Variants in ANGPT4 observed in about 807,000 individuals in gnomAD.
ANGPT4 encodes angiopoietin-4.
ANGPT4 carries 50 observed loss-of-function variants against 53.0 expected under a neutral mutation model. The observed-to-expected ratio is 0.94, with a 90% confidence interval of 0.75 to 1.20. The LOEUF (loss-of-function observed/expected upper bound fraction) is 1.20. Among genes scored for constraint, ANGPT4 ranks in the 50% most tolerant of loss-of-function variants. The probability of loss-of-function intolerance (pLI) is 0.00; values close to 1 mark genes in which losing one functional copy is unlikely to be tolerated. For synonymous variants in ANGPT4, 251 were observed against 259.7 expected (o/e 0.97, Z 0.32); for missense variants, 648 against 637.1 (o/e 1.02, Z -0.18).
At chr20:880,304 G>C (rs967953358) in intron 5 of ANGPT4, among the ~76,000 whole-genome samples, 17 of 152,242 alleles carry the variant, frequency 1.1e-4, no homozygotes, top group Admixed American at 8.5e-4. Context: ...ATATTAAGAG[G>C]GGGTGAAAGG....
intron 4 of ANGPT4, among the ~76,000 whole-genome samples, chr20:883,730 C>T (rs1338235873): frequency 1.3e-5 from 2 of 152,246 alleles, no homozygotes; most frequent in African/African-American, 2.4e-5. Context: ...CATCTGGGGA[C>T]TGGGTTACCA....
chr20:914,431 T>C lies in ANGPT4; in HGVS notation c.309+1475A>G, dbSNP rs184299197. Among the ~76,000 whole-genome samples, 515 of 152,024 alleles carry C rather than the reference T, an allele frequency of 3.4e-3. 1 individual carries two copies. The highest frequency in any genetic ancestry group is 5.9e-3 in the Non-Finnish European group (399 of 67,954). On this transcript the variant is annotated intron_variant, in intron 1 of 8. Coordinates refer to ENST00000381922, the MANE Select transcript of ANGPT4 (RefSeq NM_015985.4). This position sits in a 1 kb window ranked among gnomAD's most constrained non-coding sequence, Gnocchi z 5.0. ...AGAGGGAACTCCAGGGAGTAAGGGT[T>C]CTTGCTTTTATTCGGATGCATGGTT...
chr20:880,188 A>G (rs1371365041), intron 5 of ANGPT4, among the ~76,000 whole-genome samples: 1 of 152,222 alleles, frequency 6.6e-6, no homozygotes, highest in African/African-American at 2.4e-5. Context: ...GCCTGGCAGT[A>G]CTAGGTAAAC....
intron 5 of ANGPT4, among the ~76,000 whole-genome samples, chr20:880,565 G>A (rs565214333): frequency 6.6e-6 from 1 of 151,746 alleles, no homozygotes; most frequent in Non-Finnish European, 1.5e-5. Context: ...TCCAGCCTGG[G>A]CACCAGAGCA....
In ANGPT4 at chr20:901,771, T is replaced by C. The variant is rs1208671546; in HGVS notation, c.310-11403A>G. 3.3e-5 allele frequency among the ~76,000 whole-genome samples: 5 copies of C among 152,102 alleles called. No homozygotes were observed. In the East Asian group the frequency reaches 9.7e-4, roughly 29 times the overall value. On this transcript the variant is annotated intron_variant, in intron 1 of 8. Coordinates refer to ENST00000381922, the MANE Select transcript of ANGPT4 (RefSeq NM_015985.4). ...CTACTAAAATCAGAACAAAATTAGC[T>C]GAAGGTGGTGGTGCATGCCTCTAGT...
In ANGPT4 at chr20:900,170, T is replaced by A. The variant is rs571411824; in HGVS notation, c.310-9802A>T. 5.9e-5 allele frequency among the ~76,000 whole-genome samples: 9 copies of A among 152,324 alleles called. 1 individual carries two copies. The South Asian group carries it at 1.9e-3, about 32-fold the overall frequency. The stretch of plus-strand genomic sequence containing the variant: ...GACATTTACCTTGTATTTCACTCCA[T>A]CCTTGGCTACCTTCCCCTTGCTCTT... On this transcript the variant is annotated intron_variant, in intron 1 of 8. Coordinates refer to ENST00000381922, the MANE Select transcript of ANGPT4 (RefSeq NM_015985.4).
intron 1 of ANGPT4, among the ~76,000 whole-genome samples, chr20:891,731 T>C (rs961394131): frequency 1.1e-4 from 16 of 152,326 alleles, no homozygotes; most frequent in Non-Finnish European, 1.6e-4. Flanking sequence ...CCTTCTTCCA[T>C]CTTGACTGTT....
Position 914,191 on chromosome 20 carries a change from G to A in ANGPT4, c.309+1715C>T, listed in dbSNP as rs1321411950. On this transcript the variant is annotated intron_variant, in intron 1 of 8. Transcript: ENST00000381922. The surrounding 1 kb of genome is among the most constrained non-coding windows in gnomAD (Gnocchi z 5.0). ...CCCAGAAGTGAGCAAAAGAGACATG[G>A]CGCCTGCCCTCTGGGAGCTCACACA... Among the ~76,000 whole-genome samples the A allele has an allele frequency of 6.6e-6, 1 of 152,126 alleles. No individual in the cohort carries two copies. The highest frequency in any genetic ancestry group is 2.4e-5 in the African/African-American group (1 of 41,408).
intron 1 of ANGPT4, 25 bp from the exon 2 acceptor site, chr20:890,393 C>G (rs117281778): frequency 1.3e-6 from 2 of 1,594,646 alleles, no homozygotes; most frequent in East Asian, 4.5e-5. Flanking sequence ...GGGCTGGGGT[C>G]ACGGGGGAGG....
intron 1 of ANGPT4, among the ~76,000 whole-genome samples, chr20:893,613 C>T (rs1274546978): frequency 6.6e-6 from 1 of 152,160 alleles, no homozygotes; most frequent in Non-Finnish European, 1.5e-5. Flanking sequence ...AGACTTCTCC[C>T]CTGCATGTCC....
intron 1 of ANGPT4, among the ~76,000 whole-genome samples, chr20:915,133 T>C (rs935969630): frequency 6.6e-6 from 1 of 152,130 alleles, no homozygotes; most frequent in Non-Finnish European, 1.5e-5. Context: ...CAGTCTATGC[T>C]GTTGAAATCG....
Position 908,848 on chromosome 20 carries a change from T to A in ANGPT4, c.309+7058A>T, listed in dbSNP as rs1294855196. Among the ~76,000 whole-genome samples, 2 of 152,226 alleles carry A rather than the reference T, an allele frequency of 1.3e-5. No individual in the cohort carries two copies. Among genetic ancestry groups the A allele is most frequent in the Non-Finnish European group, 2.9e-5 (2 of 68,040 alleles). ...AGAATTGAAAGGATGCATGATTTTT[T>A]CATGACATTTATGGCATGCTATGTA... On this transcript the variant is annotated intron_variant, in intron 1 of 8. Transcript: ENST00000381922. This position sits in a 1 kb window ranked among gnomAD's most constrained non-coding sequence, Gnocchi z 4.9.
chr20:886,566 A>G (rs1600049700), intron 3 of ANGPT4, among the ~76,000 whole-genome samples: 1 of 152,362 alleles, frequency 6.6e-6, no homozygotes, highest in East Asian at 1.9e-4. Flanking sequence ...GTCCTAAGTC[A>G]AAAACTCATT....
chr20:912,128 T>G (rs1982725645), intron 1 of ANGPT4, among the ~76,000 whole-genome samples: 1 of 152,122 alleles, frequency 6.6e-6, no homozygotes, highest in Non-Finnish European at 1.5e-5. Context: ...TCTCCTCATC[T>G]GTATAATGGA....
chr20:896,902 C>T (rs947477037), intron 1 of ANGPT4, among the ~76,000 whole-genome samples: 6 of 152,298 alleles, frequency 3.9e-5, no homozygotes, highest in South Asian at 2.1e-4. Context: ...CCCAAGCCTG[C>T]GCGTATACAT....
chr20:897,073 A>G (rs1982084569), intron 1 of ANGPT4, among the ~76,000 whole-genome samples: 1 of 152,134 alleles, frequency 6.6e-6, no homozygotes, highest in African/African-American at 2.4e-5. Flanking sequence ...CCGCCAGAGA[A>G]CAACCCCCTT....
At chr20:877,813 C>A (rs1419949712) in intron 7 of ANGPT4, among the ~76,000 whole-genome samples, 1 of 152,238 alleles carries the variant, frequency 6.6e-6, no homozygotes, top group East Asian at 1.9e-4. Flanking sequence ...GACCCTTCCA[C>A]CCAGCCCCAG....
chr20:878,065 C>T (rs1020166418), intron 7 of ANGPT4, 96 bp downstream of exon 7: 190 of 1,366,666 alleles, frequency 1.4e-4, no homozygotes, highest in Non-Finnish European at 1.7e-4. Flanking sequence ...AGAGACTGAC[C>T]GTTGGAGCAG....
intron 1 of ANGPT4, among the ~76,000 whole-genome samples, chr20:904,566 A>G (rs1982406338): frequency 6.6e-6 from 1 of 152,252 alleles, no homozygotes; most frequent in South Asian, 2.1e-4. Context: ...CCACAAGTCT[A>G]TGTGGGGAAT....
Sources: gnomAD v4.1 joint callset for allele counts (sites outside exome capture counted in the v4.1 genomes callset) on GRCh38, gnomAD v4.1.1 for gene constraint, Gnocchi (gnomAD v3.1) non-coding constraint, MANE v1.5 for transcripts, NCBI Gene and HGNC (gene_info 2026-07-23, HGNC 2026-07-21) for gene names.